The following DDB1 variants were observed in gnomAD, a reference collection of about 807,000 sequenced individuals.
DDB1 encodes the protein damage specific DNA binding protein 1.
DDB1 carries 18 observed loss-of-function variants against 133.1 expected under a neutral mutation model. The observed-to-expected ratio is 0.14, with a 90% CI of 0.09 to 0.20. DDB1 has a LOEUF of 0.20. Ranked by LOEUF, DDB1 falls within the 10% of genes least tolerant of loss-of-function variation. The pLI is 1.00. For missense variants in DDB1, 828 were observed against 1,459.2 expected, an observed-to-expected ratio of 0.57 and a Z score of 7.05; for synonymous variants, 580 against 550.5, an observed-to-expected ratio of 1.05 and a Z score of -0.75.
chr11:61,304,472 A>C (rs1021088832), intron 21 of DDB1, among the ~76,000 whole-genome samples: 1 of 151,978 alleles, frequency 6.6e-6, no homozygotes, highest in Non-Finnish European at 1.5e-5. Context: ...GTCTCAAAAA[A>C]AAGAAAGAAA....
chr11:61,316,642 C>T (rs1565034032), intron 10 of DDB1, 75 bp from the exon 11 acceptor site: 2 of 1,498,360 alleles, frequency 1.3e-6, no homozygotes, highest in Non-Finnish European at 1.9e-6. Context: ...ACAGGGCAGG[C>T]CAGGGGCAGT....
intron 10 of DDB1, among the ~76,000 whole-genome samples, chr11:61,318,401 A>T (rs1856124590): frequency 6.6e-6 from 1 of 152,138 alleles, no homozygotes; most frequent in Admixed American, 6.6e-5. Flanking sequence ...TCTATAGAGG[A>T]TGCACAAGCA....
At position 61,324,013 on chromosome 11, in the gene DDB1, G is replaced by C; in HGVS notation, c.887C>G (p.Thr296Ser). Residue 296 changes from threonine to serine, a missense_variant, in exon 7 of 27, where the codon ACT becomes AGT. By Grantham distance (58) the Thr-to-Ser change is moderately conservative. This residue lies in a region of DDB1 where 35 missense variants were observed against 57.5 expected (regional missense o/e 0.61). Transcript: ENST00000301764. ...EKEEQMDGTV[T>S]LKDLRVELLG... ...GAGTTCTACACGGAGATCCTTGAGA[G>C]TGACGGTGCCATCCATCTGTTCCTC... 6.2e-7 allele frequency: 1 copy of C among 1,614,152 alleles called. No individual in the cohort carries two copies. Among genetic ancestry groups the C allele is most frequent in the Non-Finnish European group, 8.5e-7 (1 of 1,180,018 alleles).
In DDB1 at chr11:61,302,604, G is replaced by A. The variant is rs148129833; in HGVS notation, c.3090C>T (p.Phe1030=). The change falls in exon 24 of 27, where the codon TTC becomes TTT. Residue 1030 remains phenylalanine (F), a synonymous_variant. Coordinates refer to ENST00000301764, the MANE Select transcript of DDB1 (RefSeq NM_001923.5). ...TACCTATCATGCCGTTGACCGTGCC[G>A]AAGAGCACCGAGCCTTGTGTGGGGG... ...TSTPTQGSVL[F]GTVNGMIGLV... The A allele has an allele frequency of 2.5e-4, 396 of 1,614,144 alleles. No homozygotes were observed. Among genetic ancestry groups the A allele is most frequent in the Non-Finnish European group, 3.0e-4 (351 of 1,180,004 alleles).
chr11:61,326,849 T>G lies in DDB1; in HGVS notation c.594A>C (p.Arg198=). 1.2e-6 allele frequency: 2 copies of G among 1,614,126 alleles called. No homozygotes were observed. The highest frequency in any genetic ancestry group is 1.7e-5 in the Admixed American group (1 of 60,020). ...RHVKTYEVSL[R]EKEFNKGPWK... The stretch of plus-strand genomic sequence containing the variant: ...AAGGGCCCTTATTGAATTCCTTTTC[T>G]CGGAGAGACACCTCATAGGTTTTTA... Residue 198 remains arginine, a synonymous_variant, in exon 5 of 27, where the codon CGA becomes CGC. Transcript: ENST00000301764.
At chr11:61,320,807 G>GCTAT (rs1176292135) in intron 10 of DDB1, among the ~76,000 whole-genome samples, 4 of 151,846 alleles carry the variant, frequency 2.6e-5, no homozygotes, top group Non-Finnish European at 5.9e-5. Context: ...TGACATGACA[G>GCTAT]CTATGTTCCA....
rs1401595145 is a variant in DDB1 at position 61,313,887 on chromosome 11, G to T, written c.1836C>A (p.Phe612Leu). Residue 612 changes from phenylalanine (F) to leucine (L), a missense_variant, in exon 15 of 27, where the codon TTC becomes TTA. This residue lies in a region of DDB1 where 396 missense variants were observed against 554.1 expected (regional missense o/e 0.71). Coordinates refer to ENST00000301764, the MANE Select transcript of DDB1 (RefSeq NM_001923.5). Reference protein sequence around the residue: ...LLCALGDGALFYFGLNIETGL... With the variant: ...LLCALGDGALLYFGLNIETGL... ...CTGTCTCAATGTTGAGCCCAAAGTA[G>T]AAAAGCGCTCCATCTCCCAAGGCAC... 2.5e-6 allele frequency: 4 copies of T among 1,614,152 alleles called. No individual in the cohort carries two copies. Among genetic ancestry groups the T allele is most frequent in the Middle Eastern group, 3.3e-4 (2 of 6,062 alleles).
Position 61,302,296 on chromosome 11 carries a change from T to C in DDB1, c.3176A>G (p.Asn1059Ser), listed in dbSNP as rs1197372725. 2.5e-6 allele frequency: 4 copies of C among 1,614,078 alleles called. No homozygotes were observed. Among genetic ancestry groups the C allele is most frequent in the African/African-American group, 2.7e-5 (2 of 74,928 alleles). Residue 1059 changes from asparagine (N) to serine (S), a missense_variant, in exon 25 of 27, where the codon AAT becomes AGT. Physicochemically the swap from Asn to Ser is conservative, Grantham distance 46. This residue lies in a region of DDB1 where 116 missense variants were observed against 221.6 expected (regional missense o/e 0.52). Coordinates refer to ENST00000301764, the MANE Select transcript of DDB1 (RefSeq NM_001923.5). ...NLLLDMQNRL[N>S]KVIKSVGKIE... ...CTTCCCCACACTTTTGATGACTTTA[T>C]TGAGTCGATTCTGCATGTCCAGCAG...
In DDB1 at chr11:61,322,943, A is replaced by T. The variant is rs1449351792; in HGVS notation, c.1005+68T>A. 4 of 1,315,464 alleles carry T rather than the reference A, an allele frequency of 3.0e-6. No homozygotes were observed. In the Admixed American group the frequency reaches 8.3e-5, roughly 27 times the overall value. The allele number at this position is 1,315,464 out of a possible 1,614,324, so 81.5% of individuals were successfully genotyped here. Reference sequence around the variant, plus strand: ...GGAGAGATTCTGAGAGGTGCCAAACATAGGAGAAATTTGATGAAGAAACAG... The same window carrying T: ...GGAGAGATTCTGAGAGGTGCCAAACTTAGGAGAAATTTGATGAAGAAACAG... On this transcript the variant is annotated intron_variant, in intron 8 of 26. Transcript: ENST00000301764.
At position 61,303,888 on chromosome 11, in the gene DDB1, G is replaced by A; in HGVS notation, c.2809C>T (p.Pro937Ser). Residue 937 changes from proline to serine, a missense_variant, in exon 22 of 27, where the codon CCC becomes TCC. By Grantham distance (74) the Pro-to-Ser change is moderately conservative. This residue lies in a region of DDB1 where 36 missense variants were observed against 139.9 expected (regional missense o/e 0.26). Coordinates refer to ENST00000301764, the MANE Select transcript of DDB1 (RefSeq NM_001923.5). Reference protein sequence around the residue: ...MRSVLLLAYKPMEGNFEEIAR... With the variant: ...MRSVLLLAYKSMEGNFEEIAR... The stretch of plus-strand genomic sequence containing the variant: ...ACCTCTTCAAAGTTTCCTTCCATGG[G>A]CTTGTAGGCAAGCAGCAGCACTGAG... 6.2e-7 allele frequency: 1 copy of A among 1,613,942 alleles called. No individual in the cohort carries two copies. Among genetic ancestry groups the A allele is most frequent in the Non-Finnish European group, 8.5e-7 (1 of 1,180,002 alleles).
intron 18 of DDB1, among the ~76,000 whole-genome samples, 165 bp downstream of exon 18, chr11:61,311,619 C>T (rs1176656701): frequency 6.6e-6 from 1 of 152,200 alleles, no homozygotes; most frequent in African/African-American, 2.4e-5. Flanking sequence ...CAGCTATGCT[C>T]ACCTGTTGCC....
chr11:61,308,857 TCCACA>T, intron 21 of DDB1, 121 bp downstream of exon 21: 1 of 920,246 alleles, frequency 1.1e-6, no homozygotes, highest in Non-Finnish European at 1.7e-6. Flanking sequence ...AGCTCTATCC[TCCACA>T]CCCGCTACTT....
chr11:61,304,659 G>A (rs1036313138), intron 21 of DDB1, among the ~76,000 whole-genome samples: 14 of 152,008 alleles, frequency 9.2e-5, no homozygotes, highest in Admixed American at 2.6e-4. Context: ...CAGATCATGA[G>A]GTCAGGAGAA....
chr11:61,327,572 AC>A (rs779028861), intron 4 of DDB1: 1 of 152,394 alleles, frequency 6.6e-6, no homozygotes, highest in East Asian at 1.9e-4. Context: ...TTAAATTGAT[AC>A]AATTCTTAAA....
chr11:61,303,818 C>A lies in DDB1; in HGVS notation c.2832+47G>T, dbSNP rs751062194. The A allele has an allele frequency of 5.0e-6, 8 of 1,599,610 alleles. No individual in the cohort carries two copies. The African/African-American group carries it at 8.1e-5, about 16-fold the overall frequency. On this transcript the variant is annotated intron_variant, in intron 22 of 26. Coordinates refer to ENST00000301764, the MANE Select transcript of DDB1 (RefSeq NM_001923.5). ...TCCCCACCAGAGACACTTGCAGGGG[C>A]GGTGGCTCAAGCAAGAAGTCTGCTC...
At chr11:61,321,020 A>C (rs1856169131) in intron 10 of DDB1, among the ~76,000 whole-genome samples, 1 of 151,874 alleles carries the variant, frequency 6.6e-6, no homozygotes, top group African/African-American at 2.4e-5. Flanking sequence ...AAGTAACTGC[A>C]ACCACAGGCA....
rs1165627705 is a variant in DDB1, at chr11:61,333,063, A to C, written c.-95T>G. The C allele has an allele frequency of 1.7e-6, 2 of 1,180,934 alleles. No individual in the cohort carries two copies. Among genetic ancestry groups the C allele is most frequent in the African/African-American group, 1.6e-5 (1 of 61,934 alleles). The allele number at this position is 1,180,934 out of a possible 1,614,324, so 73.2% of individuals were successfully genotyped here. A position where few individuals can be genotyped will look rare whatever the true frequency, so the allele number is the denominator to read the frequency against. On this transcript the variant is annotated 5_prime_UTR_variant, in exon 1 of 27. Coordinates refer to ENST00000301764, the MANE Select transcript of DDB1 (RefSeq NM_001923.5). ...GGTGGCCCCCAACAGCGCGCAGCGA[A>C]CTCCACTGCCGCTGCCTCCGCCCCA...
intron 12 of DDB1, 47 bp downstream of exon 12, chr11:61,316,238 G>A: frequency 6.5e-7 from 1 of 1,535,298 alleles, no homozygotes; most frequent in Non-Finnish European, 9.0e-7. Flanking sequence ...ACTGCATCTA[G>A]GTCAATTCAA....
At chr11:61,304,158 GT>G in intron 21 of DDB1, 123 bp from the exon 22 acceptor site, 1 of 961,928 alleles carries the variant, frequency 1.0e-6, no homozygotes, top group Non-Finnish European at 1.6e-6. Flanking sequence ...ACAGGAAACG[GT>G]TTTATGAGGC....
Sources: gnomAD v4.1 joint callset for allele counts (sites outside exome capture counted in the v4.1 genomes callset) on GRCh38, gnomAD v4.1.1 for gene constraint, gnomAD v4.1.1 regional missense constraint, MANE v1.5 for transcripts, NCBI Gene and HGNC (gene_info 2026-07-23, HGNC 2026-07-21) for gene names.